The following EPHA3 variants were observed in gnomAD, a reference collection of about 807,000 sequenced individuals.
The protein encoded by EPHA3 is ephrin type-A receptor 3.
In EPHA3, 42 loss-of-function variants were observed where a neutral mutation model predicts 107.1. The ratio of observed to expected loss-of-function variants is 0.39; its 90% confidence interval spans 0.31 to 0.51. The LOEUF is 0.51. Ranked by LOEUF, EPHA3 falls within the 20% of genes least tolerant of loss-of-function variation. The pLI, the probability that EPHA3 is intolerant of heterozygous loss-of-function variation, is 0.78. For missense variants in EPHA3, 1,183 were observed against 1,211.2 expected (o/e 0.98, Z 0.35); for synonymous variants, 461 against 424.8 (o/e 1.09, Z -1.05).
intron 15 of EPHA3, among the ~76,000 whole-genome samples, chr3:89,456,851 T>C (rs1012161748): frequency 1.3e-5 from 2 of 152,210 alleles, no homozygotes; most frequent in Non-Finnish European, 2.9e-5. Context: ...GCTACAGATG[T>C]TTATTCAACA....
chr3:89,443,118 A>T (rs1254369846), intron 13 of EPHA3, among the ~76,000 whole-genome samples: 1 of 152,174 alleles, frequency 6.6e-6, no homozygotes, highest in East Asian at 1.9e-4. Flanking sequence ...ACTTAGCCTC[A>T]TTCTACAAAG....
chr3:89,417,267 G>C (rs1256645835), intron 10 of EPHA3, among the ~76,000 whole-genome samples: 2 of 151,488 alleles, frequency 1.3e-5, no homozygotes, highest in South Asian at 2.1e-4. Flanking sequence ...ATATGTGGCA[G>C]AGTCAGAATT....
rs1707367576 is a variant in EPHA3, at chr3:89,335,156, AG to A, written c.815-5759del. Reference sequence around the variant, plus strand: ...TATATCAAAATACCATAAGCTGGTTAGTTTATAAACAATGGAAATTTATTTC... The same window carrying A: ...TATATCAAAATACCATAAGCTGGTTATTTATAAACAATGGAAATTTATTTC... On this transcript the variant is annotated intron_variant, in intron 3 of 16. Transcript: ENST00000336596. Among the ~76,000 whole-genome samples the A allele has an allele frequency of 2.6e-5, 4 of 152,282 alleles. No homozygotes were observed. In the East Asian group the frequency reaches 7.7e-4, roughly 29 times the overall value.
chr3:89,449,291 A>C lies in EPHA3; in HGVS notation c.2413A>C (p.Ser805Arg). Residue 805 changes from serine to arginine, a missense_variant, in exon 14 of 17, where the codon AGC becomes CGC. Coordinates refer to ENST00000336596, the MANE Select transcript of EPHA3 (RefSeq NM_005233.6). ...AGCCTACCGCAAGTTCACGTCAGCC[A>C]GCGATGTATGGAGTTATGGGATTGT... ...AIAYRKFTSA[S>R]DVWSYGIVLW... 6.2e-7 allele frequency: 1 copy of C among 1,613,046 alleles called. No homozygotes were observed. The highest frequency in any genetic ancestry group is 8.5e-7 in the Non-Finnish European group (1 of 1,179,270).
At position 89,480,568 on chromosome 3, in the gene EPHA3, A is replaced by G. The variant is rs1025032243; in HGVS notation, c.*1066A>G. 2 of 232,846 alleles carry G rather than the reference A, an allele frequency of 8.6e-6. No individual in the cohort carries two copies. Among genetic ancestry groups the G allele is most frequent in the African/African-American group, 4.4e-5 (2 of 45,284 alleles). 14.4% of individuals were successfully genotyped at this position (232,846 alleles called of 1,614,324 possible). On this transcript the variant is annotated 3_prime_UTR_variant, in exon 17 of 17. Coordinates refer to ENST00000336596, the MANE Select transcript of EPHA3 (RefSeq NM_005233.6). The stretch of plus-strand genomic sequence containing the variant: ...CTCCACTGGAGAGAAGTGGAATCCT[A>G]TATAGAATGCTGCACTAATTGACAA...
chr3:89,273,279 G>A (rs746986044), intron 3 of EPHA3, among the ~76,000 whole-genome samples: 5 of 151,838 alleles, frequency 3.3e-5, no homozygotes, highest in Non-Finnish European at 7.4e-5. Context: ...GTGACATAAA[G>A]TAAAAAACCT....
At chr3:89,397,194 A>G (rs1708867172) in intron 6 of EPHA3, among the ~76,000 whole-genome samples, 1 of 152,220 alleles carries the variant, frequency 6.6e-6, no homozygotes, top group African/African-American at 2.4e-5. Context: ...GAAAGCCTAG[A>G]GTATATCTTT....
intron 3 of EPHA3, among the ~76,000 whole-genome samples, chr3:89,288,464 G>T (rs913660815): frequency 3.9e-5 from 6 of 151,988 alleles, no homozygotes; most frequent in Non-Finnish European, 7.4e-5. Context: ...CTATTTTAAG[G>T]TGCCTGTATG....
intron 3 of EPHA3, among the ~76,000 whole-genome samples, chr3:89,287,135 A>G (rs530777371): frequency 6.6e-6 from 1 of 152,316 alleles, no homozygotes; most frequent in South Asian, 2.1e-4. Context: ...TTCAAGCTGC[A>G]GAACAATTAC....
intron 13 of EPHA3, among the ~76,000 whole-genome samples, chr3:89,432,873 T>C (rs1388355541): frequency 6.6e-6 from 1 of 152,114 alleles, no homozygotes; most frequent in Admixed American, 6.6e-5. Flanking sequence ...TTTTCTGCCC[T>C]GTTTTAACTT....
chr3:89,425,169 C>T (rs1046158337), intron 11 of EPHA3, among the ~76,000 whole-genome samples: 9 of 150,974 alleles, frequency 6.0e-5, no homozygotes, highest in Non-Finnish European at 1.0e-4. Context: ...ATTTGGAAGA[C>T]GTTGCCCTGT....
At chr3:89,311,272 C>T (rs1423881485) in intron 3 of EPHA3, among the ~76,000 whole-genome samples, 1 of 151,894 alleles carries the variant, frequency 6.6e-6, no homozygotes, top group Non-Finnish European at 1.5e-5. Context: ...AACACATTTC[C>T]CTTTGTTCTC....
At chr3:89,301,560 T>C (rs1706489522) in intron 3 of EPHA3, among the ~76,000 whole-genome samples, 1 of 152,066 alleles carries the variant, frequency 6.6e-6, no homozygotes. Context: ...TCACTCCTCA[T>C]GTTGGTGGAT....
At chr3:89,119,413 T>C (rs1256224887) in intron 1 of EPHA3, among the ~76,000 whole-genome samples, 1 of 152,162 alleles carries the variant, frequency 6.6e-6, no homozygotes, top group Non-Finnish European at 1.5e-5. Flanking sequence ...AGTTTGATGC[T>C]TTCCATTGAC....
intron 3 of EPHA3, among the ~76,000 whole-genome samples, chr3:89,261,290 C>G (rs1705409380): frequency 6.6e-6 from 1 of 152,070 alleles, no homozygotes; most frequent in Non-Finnish European, 1.5e-5. Flanking sequence ...TGTCTTTATA[C>G]CTGCATTTTT....
intron 2 of EPHA3, among the ~76,000 whole-genome samples, chr3:89,204,033 GA>G (rs983593692): frequency 2.6e-5 from 4 of 152,054 alleles, no homozygotes; most frequent in Non-Finnish European, 5.9e-5. Flanking sequence ...TAAAACCACA[GA>G]AAGTACTGAG....
chr3:89,159,212 C>T (rs1260381190), intron 2 of EPHA3, among the ~76,000 whole-genome samples: 1 of 151,918 alleles, frequency 6.6e-6, no homozygotes, highest in Non-Finnish European at 1.5e-5. Flanking sequence ...TTTCTATAGC[C>T]CTGATTATTT....
At position 89,301,172 on chromosome 3, in the gene EPHA3, G is replaced by A. The variant is rs1292605208; in HGVS notation, c.815-39744G>A. Among the ~76,000 whole-genome samples the A allele has an allele frequency of 3.9e-5, 6 of 152,074 alleles. No individual in the cohort carries two copies. In the East Asian group the frequency reaches 1.2e-3, roughly 29 times the overall value. On this transcript the variant is annotated intron_variant, in intron 3 of 16. Transcript: ENST00000336596. ...TGAGTCATGGATTTTAAGCACCAAG[G>A]AAGTATTCTCATGTGGCTCATAAAA...
chr3:89,249,280 T>C (rs995955520), intron 3 of EPHA3, among the ~76,000 whole-genome samples: 1 of 152,200 alleles, frequency 6.6e-6, no homozygotes, highest in Non-Finnish European at 1.5e-5. Context: ...GTCCTGGCAT[T>C]GAGAAGCTTT....
Sources: gnomAD v4.1 joint callset for allele counts (sites outside exome capture counted in the v4.1 genomes callset) on GRCh38, gnomAD v4.1.1 for gene constraint, MANE v1.5 for transcripts, NCBI Gene and HGNC (gene_info 2026-07-23, HGNC 2026-07-21) for gene names.